The following MSI1 variants were observed in gnomAD, a reference collection of about 807,000 sequenced individuals.
MSI1 encodes musashi RNA binding protein 1.
A neutral mutation model predicts 54.4 loss-of-function variants in MSI1; 15 were observed. The ratio of observed to expected loss-of-function variants is 0.28; its 90% CI spans 0.18 to 0.42. MSI1 has a LOEUF of 0.42. Ranked by LOEUF, MSI1 falls within the 20% of genes least tolerant of loss-of-function variation. MSI1 has a pLI of 1.00. For synonymous variants in MSI1, 200 were observed against 196.5 expected (o/e 1.02, Z -0.15); for missense variants, 304 against 506.0 (o/e 0.60, Z 3.83).
chr12:120,340,139 T>C (rs1873619615), downstream of MSI1, among the ~76,000 whole-genome samples: 2 of 149,896 alleles, frequency 1.3e-5, no homozygotes, highest in African/African-American at 2.5e-5. Flanking sequence ...CAGGCTGGAG[T>C]GCAGTGGCGC....
chr12:120,368,415 A>G lies in MSI1; in HGVS notation c.101-142T>C. On this transcript the variant is annotated intron_variant, in intron 2 of 14. Coordinates refer to ENST00000257552, the MANE Select transcript of MSI1 (RefSeq NM_002442.4). The surrounding 1 kb of genome is among the most constrained non-coding windows in gnomAD (Gnocchi z 6.6). ...GCGTTCTCCACTGCCGCCGCCCCCC[A>G]CCGCCCTCGCCCCGTTCCCGCTGAG... The G allele has an allele frequency of 1.3e-6, 1 of 768,348 alleles. No individual in the cohort carries two copies. Among genetic ancestry groups the G allele is most frequent in the Non-Finnish European group, 1.8e-6 (1 of 543,330 alleles). 47.6% of individuals were successfully genotyped at this position (768,348 alleles called of 1,614,324 possible).
intron 11 of MSI1, among the ~76,000 whole-genome samples, chr12:120,350,933 G>T (rs1179437): frequency 3.3e-4 from 50 of 151,996 alleles, no homozygotes; most frequent in Non-Finnish European, 6.5e-4. Context: ...GTGAGTCTGT[G>T]TCCCCTCCCG....
chr12:120,357,500 G>GTTTTT (rs1875236117), intron 8 of MSI1, among the ~76,000 whole-genome samples: 1 of 152,104 alleles, frequency 6.6e-6, no homozygotes, highest in African/African-American at 2.4e-5. Context: ...CCATGTTTTT[G>GTTTTT]TTTTTGTTTT....
intron 13 of MSI1, 116 bp downstream of exon 13, chr12:120,346,019 A>C (rs1874086158): frequency 1.1e-6 from 1 of 938,756 alleles, no homozygotes; most frequent in Admixed American, 3.0e-5. Context: ...TTCTCCATTC[A>C]TCCTCCCTCA....
At chr12:120,352,490 C>T (rs1174200011) in intron 10 of MSI1, among the ~76,000 whole-genome samples, 2 of 151,952 alleles carry the variant, frequency 1.3e-5, no homozygotes, top group Admixed American at 1.3e-4. Context: ...CTAGTTGGCT[C>T]ATCTTAGCTT....
chr12:120,356,460 G>A (rs979637024), intron 9 of MSI1, among the ~76,000 whole-genome samples: 3 of 151,880 alleles, frequency 2.0e-5, no homozygotes, highest in East Asian at 1.9e-4. Flanking sequence ...ACACTCCCTC[G>A]GCACCCTACA....
At chr12:120,365,957 C>G (rs1289162169) in intron 4 of MSI1, among the ~76,000 whole-genome samples, 2 of 152,182 alleles carry the variant, frequency 1.3e-5, no homozygotes, top group African/African-American at 4.8e-5. Flanking sequence ...ATTGCACAAA[C>G]AAAGGTGCTA....
At chr12:120,340,112 A>G (rs1467092341), downstream of MSI1, among the ~76,000 whole-genome samples, 7 of 140,128 alleles carry the variant, frequency 5.0e-5, no homozygotes. Context: ...TCTTTGAGAC[A>G]GTCTCACTCC....
intron 12 of MSI1, 37 bp from the exon 13 acceptor site, chr12:120,346,359 G>A: frequency 6.8e-7 from 1 of 1,466,750 alleles, no homozygotes; most frequent in Non-Finnish European, 9.1e-7. Flanking sequence ...TAGCCCTGGT[G>A]CCCTCTGCCA....
At chr12:120,366,435 C>A (rs142277286) in intron 4 of MSI1, among the ~76,000 whole-genome samples, 1 of 152,208 alleles carries the variant, frequency 6.6e-6, no homozygotes, top group African/African-American at 2.4e-5. Context: ...AGTTTCAATT[C>A]CACACCTCCA....
chr12:120,353,462 C>A (rs753665558), intron 9 of MSI1, 83 bp from the exon 10 acceptor site: 2 of 1,193,318 alleles, frequency 1.7e-6, no homozygotes, highest in Non-Finnish European at 2.5e-6. Context: ...CCACTCATGT[C>A]CCCTCACCTT....
chr12:120,351,988 A>C (rs562536180), intron 10 of MSI1, among the ~76,000 whole-genome samples: 4 of 147,748 alleles, frequency 2.7e-5, no homozygotes, highest in Admixed American at 1.4e-4. Flanking sequence ...GATTACAGGC[A>C]TGAACCACCG....
At chr12:120,344,912 A>G (rs1407617379) in intron 14 of MSI1, among the ~76,000 whole-genome samples, 1 of 150,806 alleles carries the variant, frequency 6.6e-6, no homozygotes, top group Non-Finnish European at 1.5e-5. Context: ...GCTACTCGGG[A>G]GGCTGAGACA....
rs1362955162 is a variant in MSI1, at chr12:120,368,712, A to AGAGGGCGC, written c.100+113_100+120dup. Reference sequence around the variant, plus strand: ...TCGGGGTCTCCGGGCGGGGCGCGAAAGAGGGCGCGAGGGCGCCCGGGGTCA... The same window carrying AGAGGGCGC: ...TCGGGGTCTCCGGGCGGGGCGCGAAAGAGGGCGCGAGGGCGCGAGGGCGCCCGGGGTCA... On this transcript the variant is annotated intron_variant, in intron 2 of 14. Coordinates refer to ENST00000257552, the MANE Select transcript of MSI1 (RefSeq NM_002442.4). This position sits in a 1 kb window ranked among gnomAD's most constrained non-coding sequence, Gnocchi z 6.6. 5 of 918,394 alleles carry AGAGGGCGC rather than the reference A, an allele frequency of 5.4e-6. No homozygotes were observed. In the African/African-American group the frequency reaches 8.8e-5, roughly 16 times the overall value. 56.9% of individuals were successfully genotyped at this position (918,394 alleles called of 1,614,324 possible).
At chr12:120,367,265 TC>T (rs1876072921) in intron 4 of MSI1, among the ~76,000 whole-genome samples, 1 of 151,976 alleles carries the variant, frequency 6.6e-6, no homozygotes, top group African/African-American at 2.4e-5. Context: ...GACACCCCCA[TC>T]ACATGGGAGT....
chr12:120,349,609 C>G (rs530822378), intron 11 of MSI1, among the ~76,000 whole-genome samples: 1 of 152,362 alleles, frequency 6.6e-6, no homozygotes, highest in Non-Finnish European at 1.5e-5. Flanking sequence ...CTGTGTCACT[C>G]ACTGTTGTGG....
chr12:120,345,002 G>A (rs1458225168), intron 14 of MSI1, among the ~76,000 whole-genome samples: 2 of 151,910 alleles, frequency 1.3e-5, no homozygotes, highest in Admixed American at 6.6e-5. Context: ...GTGACAGAGC[G>A]AGACTCCATC....
At chr12:120,348,941 G>A (rs979186537) in intron 11 of MSI1, among the ~76,000 whole-genome samples, 3 of 152,032 alleles carry the variant, frequency 2.0e-5, no homozygotes, top group East Asian at 1.9e-4. Context: ...GTCTTGGTAT[G>A]TTGCCCAAGC....
intron 10 of MSI1, among the ~76,000 whole-genome samples, chr12:120,352,670 C>A (rs769993517): frequency 4.0e-5 from 6 of 151,370 alleles, no homozygotes; most frequent in South Asian, 4.2e-4. Context: ...ATAAATAAGA[C>A]CCCCAAGTAA....
Sources: allele counts gnomAD v4.1 joint callset (sites outside exome capture counted in the v4.1 genomes callset), GRCh38; gene constraint gnomAD v4.1.1; non-coding constraint Gnocchi (gnomAD v3.1); transcripts MANE v1.5; gene names NCBI Gene and HGNC (gene_info 2026-07-23, HGNC 2026-07-21).